The following ADGRE1 variants were observed in gnomAD, a reference collection of about 807,000 sequenced individuals.
The protein encoded by ADGRE1 is EGF-like module receptor 1.
Under a neutral mutation model 102.7 loss-of-function variants are expected in ADGRE1, and 82 were observed. That is an observed-to-expected ratio of 0.80 (90% CI 0.67 to 0.96). The LOEUF (loss-of-function observed/expected upper bound fraction) is 0.96, where lower values mean the gene tolerates loss of function less well. Ranked by LOEUF, ADGRE1 falls within the 40% of genes least tolerant of loss-of-function variation. ADGRE1 has a pLI of 0.00. For missense variants in ADGRE1, 1,032 were observed against 1,085.3 expected (o/e 0.95, Z 0.69); for synonymous variants, 398 against 399.6 (o/e 1.00, Z 0.05).
At chr19:6,935,157 T>G in intron 18 of ADGRE1, 79 bp downstream of exon 18, 1 of 1,116,006 alleles carries the variant, frequency 9.0e-7, no homozygotes, top group South Asian at 1.6e-5. Context: ...GCACTTCTTG[T>G]GTGCTGGGTC....
intron 11 of ADGRE1, 25 bp downstream of exon 11, chr19:6,913,855 G>A: frequency 6.5e-7 from 1 of 1,528,868 alleles, no homozygotes; most frequent in East Asian, 2.4e-5. Context: ...TTGTGGCAAG[G>A]TTACACCTAG....
At chr19:6,929,089 A>C (rs140061860) in intron 17 of ADGRE1, among the ~76,000 whole-genome samples, 1,865 of 152,358 alleles carry the variant, frequency 0.012, 18 homozygotes, top group Non-Finnish European at 0.02. Context: ...TCTTGTGCAC[A>C]GGTCCATGAG....
intron 8 of ADGRE1, 126 bp from the exon 9 acceptor site, chr19:6,906,307 C>A: frequency 1.4e-6 from 1 of 720,306 alleles, no homozygotes; most frequent in Non-Finnish European, 2.4e-6. Context: ...TTCATTTTCC[C>A]CCTTGTGTAT....
intron 12 of ADGRE1, among the ~76,000 whole-genome samples, chr19:6,918,269 G>A (rs36069820): frequency 2.6e-5 from 4 of 151,748 alleles, no homozygotes; most frequent in Middle Eastern, 3.2e-3. Context: ...GTGAAACCCC[G>A]TCTCCACTAA....
intron 5 of ADGRE1, chr19:6,898,428 G>T: frequency 6.2e-7 from 1 of 1,601,110 alleles, no homozygotes; most frequent in Non-Finnish European, 8.6e-7. Flanking sequence ...GAAATGACTG[G>T]ATCCCAGGAA....
At chr19:6,896,120 G>T (rs1973541465) in intron 2 of ADGRE1, 4 of 341,422 alleles carry the variant, frequency 1.2e-5, no homozygotes, top group African/African-American at 4.2e-5. Flanking sequence ...CTGTCCCTGT[G>T]CATGTCTGTG....
intron 6 of ADGRE1, 149 bp from the exon 7 acceptor site, chr19:6,903,661 C>T: frequency 1.0e-6 from 1 of 986,168 alleles, no homozygotes; most frequent in Admixed American, 2.3e-5. Context: ...GTCACATGAC[C>T]TCACCTAGAT....
chr19:6,934,659 A>G (rs144054037), intron 17 of ADGRE1, among the ~76,000 whole-genome samples: 7,976 of 148,786 alleles, frequency 0.054, 254 homozygotes, highest in Middle Eastern at 0.087. Flanking sequence ...GTGCAGTAGC[A>G]CAATCTCAGC....
rs901417465 is a variant in ADGRE1, at chr19:6,903,627, C to G, written c.662-183C>G. 5.3e-5 allele frequency among the ~76,000 whole-genome samples: 8 copies of G among 152,228 alleles called. 1 individual carries two copies. Among genetic ancestry groups the G allele is most frequent in the Admixed American group, 6.5e-5 (1 of 15,288 alleles). On this transcript the variant is annotated intron_variant, in intron 6 of 20. Coordinates refer to ENST00000312053, the MANE Select transcript of ADGRE1 (RefSeq NM_001974.5). ...CCCTGAAGTGACATATATCATGGCT[C>G]TCATATTCCATGAGTGAAAAGTAGT...
At chr19:6,932,354 G>C (rs1256409086) in intron 17 of ADGRE1, among the ~76,000 whole-genome samples, 1 of 152,104 alleles carries the variant, frequency 6.6e-6, no homozygotes, top group African/African-American at 2.4e-5. Flanking sequence ...TGTAGTCCCA[G>C]CTACTCAGGA....
intron 14 of ADGRE1, among the ~76,000 whole-genome samples, chr19:6,922,853 A>G (rs1974729011): frequency 6.6e-6 from 1 of 152,044 alleles, no homozygotes; most frequent in South Asian, 2.1e-4. Context: ...CGAGGTGGGC[A>G]GATCACAAGG....
rs145592608 is a variant in ADGRE1 at position 6,935,153 on chromosome 19, C to T, written c.2381+75C>T. On this transcript the variant is annotated intron_variant, in intron 18 of 20. Coordinates refer to ENST00000312053, the MANE Select transcript of ADGRE1 (RefSeq NM_001974.5). ...TCCCAGAAAAGTTCTTTGAGCACTT[C>T]TTGTGTGCTGGGTCCTATGCCTGAG... The T allele has an allele frequency of 1.1e-3, 1,283 of 1,184,186 alleles. 11 individuals carry two copies. The African/African-American group carries it at 0.016, about 15-fold the overall frequency. The allele number at this position is 1,184,186 out of a possible 1,614,324, so 73.4% of individuals were successfully genotyped here.
intron 1 of ADGRE1, among the ~76,000 whole-genome samples, chr19:6,888,800 C>T (rs2144870419): frequency 6.6e-6 from 1 of 152,284 alleles, no homozygotes; most frequent in African/African-American, 2.4e-5. Context: ...TGTTGACTGG[C>T]AGGCTACATT....
At chr19:6,934,247 G>A (rs1339405216) in intron 17 of ADGRE1, among the ~76,000 whole-genome samples, 6 of 152,018 alleles carry the variant, frequency 3.9e-5, no homozygotes, top group Non-Finnish European at 8.8e-5. Context: ...ATTGGTTAGG[G>A]GTACCTATTG....
At chr19:6,920,465 C>T (rs571535667) in intron 13 of ADGRE1, among the ~76,000 whole-genome samples, 10 of 148,074 alleles carry the variant, frequency 6.8e-5, no homozygotes, top group Admixed American at 4.8e-4. Context: ...GTGATCCGCC[C>T]GCTTTGGCCT....
intron 18 of ADGRE1, among the ~76,000 whole-genome samples, chr19:6,935,815 C>T (rs554757332): frequency 7.9e-5 from 12 of 152,180 alleles, no homozygotes; most frequent in South Asian, 6.2e-4. Flanking sequence ...AATTTGTTTC[C>T]GACGGTGAGA....
chr19:6,940,034 C>T lies in ADGRE1; in HGVS notation c.*5C>T, dbSNP rs765270057. On this transcript the variant is annotated 3_prime_UTR_variant, in exon 21 of 21. Transcript: ENST00000312053. ...TTTTCTCTCTCACAGGGTTAAAGTC[C>T]TTTCTTGCTTTCAAATATGCTATGG... 13 of 1,613,570 alleles carry T rather than the reference C, an allele frequency of 8.1e-6. No homozygotes were observed. The highest frequency in any genetic ancestry group is 3.3e-5 in the Admixed American group (2 of 59,946).
chr19:6,906,622 C>A, intron 9 of ADGRE1, 101 bp downstream of exon 9: 2 of 984,928 alleles, frequency 2.0e-6, no homozygotes, highest in East Asian at 2.6e-5. Context: ...GTAATAGTGG[C>A]CAAAACCAGA....
At position 6,926,608 on chromosome 19, in the gene ADGRE1, G is replaced by A. The variant is rs376306241; in HGVS notation, c.2222+7G>A. 1 of 1,613,902 alleles carries A rather than the reference G, an allele frequency of 6.2e-7. No homozygotes were observed. Among genetic ancestry groups the A allele is most frequent in the Admixed American group, 1.7e-5 (1 of 60,018 alleles). On this transcript the variant is annotated splice_region_variant and intron_variant, in intron 16 of 20. Transcript: ENST00000312053. ...GCTATGGAATGCATAATCGGTGAGTGACATCCTCTCTCTTCCTGAAGACCC... is the reference window on the plus strand; with the variant it reads ...GCTATGGAATGCATAATCGGTGAGTAACATCCTCTCTCTTCCTGAAGACCC...
Sources: allele counts gnomAD v4.1 joint callset (sites outside exome capture counted in the v4.1 genomes callset), GRCh38; gene constraint gnomAD v4.1.1; transcripts MANE v1.5; gene names NCBI Gene and HGNC (gene_info 2026-07-23, HGNC 2026-07-21).